Variants in KRR1 observed in about 807,000 individuals in gnomAD.
KRR1 encodes the protein KRR1 small subunit processome component homolog.
Under a neutral mutation model 50.0 loss-of-function variants are expected in KRR1, and 23 were observed. That is an observed-to-expected ratio of 0.46 (90% CI 0.33 to 0.65). The LOEUF (loss-of-function observed/expected upper bound fraction) is 0.65, where lower values mean the gene tolerates loss of function less well. Among genes scored for constraint, KRR1 ranks in the 30% least tolerant of loss-of-function variants. The probability of loss-of-function intolerance (pLI) is 0.02; values close to 1 mark genes in which losing one functional copy is unlikely to be tolerated. For missense variants in KRR1, 419 were observed against 442.4 expected (o/e 0.95, Z 0.47); for synonymous variants, 133 against 146.3 (o/e 0.91, Z 0.66).
In KRR1 at chr12:75,495,739, C is replaced by A; in HGVS notation, c.*4070G>T. 1 of 849,658 alleles carries A rather than the reference C, an allele frequency of 1.2e-6. No individual in the cohort carries two copies. The highest frequency in any genetic ancestry group is 1.6e-5 in the South Asian group (1 of 61,646). The allele number at this position is 849,658 out of a possible 1,614,324, so 52.6% of individuals were successfully genotyped here. A position where few individuals can be genotyped will look rare whatever the true frequency, so the allele number is the denominator to read the frequency against. On this transcript the variant is annotated 3_prime_UTR_variant, in exon 10 of 10. Coordinates refer to ENST00000229214, the MANE Select transcript of KRR1 (RefSeq NM_007043.7). ...CTTTCTACAGAATTAACAATGAAAC[C>A]ATGTTTTATCTTAACGGCTATCTTC... is the stretch of plus-strand genomic sequence containing the variant.
intron 7 of KRR1, 188 bp from the exon 8 acceptor site, chr12:75,502,188 A>G (rs1420342007): frequency 3.6e-6 from 2 of 551,770 alleles, no homozygotes; most frequent in Non-Finnish European, 6.4e-6. Flanking sequence ...TGGAGGTAGG[A>G]AAGCACCTCC....
At position 75,506,370 on chromosome 12, in the gene KRR1, A is replaced by C. The variant is rs2046421426; in HGVS notation, c.549T>G (p.Ile183Met). 4 of 1,612,276 alleles carry C rather than the reference A, an allele frequency of 2.5e-6. No individual in the cohort carries two copies. Among genetic ancestry groups the C allele is most frequent in the South Asian group, 1.1e-5 (1 of 90,960 alleles). Residue 183 changes from isoleucine (I) to methionine (M), a missense_variant, in exon 5 of 10, where the codon ATT becomes ATG. Transcript: ENST00000229214. ...CTGAAACTGTGTTTCCCTGAACCAT[A>C]ATGTAACAATTAGTTAAGAGTTCCA... ...KALELLTNCY[I>M]MVQGNTVSAI... is the part of the protein sequence containing the mutation.
At chr12:75,504,155 C>A (rs1431266471) in intron 6 of KRR1, 81 bp from the exon 7 acceptor site, 2 of 946,862 alleles carry the variant, frequency 2.1e-6, no homozygotes, top group Admixed American at 2.7e-5. Flanking sequence ...AATATTGCTT[C>A]TATAAATAAT....
Position 75,495,653 on chromosome 12 carries a change from A to G in KRR1, c.*4156T>C. Reference sequence around the variant, plus strand: ...CCCCAATAATGACAAGTGTTTGGACAATCTCTGTGGTGAGTAAAAGGAACA... The same window carrying G: ...CCCCAATAATGACAAGTGTTTGGACGATCTCTGTGGTGAGTAAAAGGAACA... On this transcript the variant is annotated 3_prime_UTR_variant, in exon 10 of 10. Coordinates refer to ENST00000229214, the MANE Select transcript of KRR1 (RefSeq NM_007043.7). 1 of 1,598,438 alleles carries G rather than the reference A, an allele frequency of 6.3e-7. No homozygotes were observed. The highest frequency in any genetic ancestry group is 1.3e-5 in the African/African-American group (1 of 74,718).
chr12:75,508,810 AT>A (rs1216756102), intron 1 of KRR1, among the ~76,000 whole-genome samples: 1 of 152,194 alleles, frequency 6.6e-6, no homozygotes, highest in Admixed American at 6.5e-5. Context: ...TTTGAATGCC[AT>A]TTTGGTTAGT....
Position 75,506,343 on chromosome 12 carries a change from G to A in KRR1, c.576C>T (p.Ala192=). Residue 192 remains alanine (A), a synonymous_variant, in exon 5 of 10, where the codon GCC becomes GCT. Coordinates refer to ENST00000229214, the MANE Select transcript of KRR1 (RefSeq NM_007043.7). ...CTTTTAAGCCACTAAAAGGTCCAAT[G>A]GCTGAAACTGTGTTTCCCTGAACCA... ...YIMVQGNTVS[A]IGPFSGLKEV... 1.2e-6 allele frequency: 2 copies of A among 1,611,234 alleles called. No homozygotes were observed. The highest frequency in any genetic ancestry group is 1.7e-6 in the Non-Finnish European group (2 of 1,178,414).
intron 6 of KRR1, 39 bp downstream of exon 6, chr12:75,505,159 T>C: frequency 6.7e-7 from 1 of 1,486,286 alleles, no homozygotes. Flanking sequence ...AAAAGAAGTA[T>C]GATAATCACT....
rs528439238 is a variant in KRR1, at chr12:75,510,816, T to C, written c.85+697A>G. 3.0e-4 allele frequency among the ~76,000 whole-genome samples: 46 copies of C among 152,322 alleles called. 1 individual carries two copies. The South Asian group carries it at 7.7e-3, about 25-fold the overall frequency. ...TTTAATGAGCAACAACAAAGAAACT[T>C]TGAATACTTTCCCAATGCATCTAAA... is the stretch of plus-strand genomic sequence containing the variant. On this transcript the variant is annotated intron_variant, in intron 1 of 9. Transcript: ENST00000229214.
chr12:75,499,862 C>T lies in KRR1; in HGVS notation c.1093G>A (p.Glu365Lys). 2.5e-6 allele frequency: 4 copies of T among 1,607,608 alleles called. No individual in the cohort carries two copies. The highest frequency in any genetic ancestry group is 3.4e-6 in the Non-Finnish European group (4 of 1,177,202). ...TCTGCCTCCATCTTAAGTGCAATTT[C>T]TTCAGCTGTAAGAGCTCCCAGTTTC... is the stretch of plus-strand genomic sequence containing the variant. ...NKKLGALTAE[E>K]IALKMEADEK... is the part of the protein sequence containing the mutation. The change falls in exon 10 of 10, where the codon GAA becomes AAA. Residue 365 changes from glutamate to lysine, a missense_variant. Transcript: ENST00000229214.
At chr12:75,507,282 T>C (rs766320053) in intron 2 of KRR1, among the ~76,000 whole-genome samples, 1 of 152,200 alleles carries the variant, frequency 6.6e-6, no homozygotes, top group Non-Finnish European at 1.5e-5. Flanking sequence ...AGCTCCAGTC[T>C]ACCATCTGCT....
chr12:75,510,562 AAC>A (rs1328593237), intron 1 of KRR1, among the ~76,000 whole-genome samples: 1 of 152,236 alleles, frequency 6.6e-6, no homozygotes, highest in Admixed American at 6.5e-5. Context: ...AAAATTAAAA[AAC>A]AGGCTAAATT....
In KRR1 at chr12:75,495,760, T is replaced by G. The variant is rs1249613058; in HGVS notation, c.*4049A>C. 2 of 697,532 alleles carry G rather than the reference T, an allele frequency of 2.9e-6. No homozygotes were observed. The highest frequency in any genetic ancestry group is 5.0e-6 in the Non-Finnish European group (2 of 402,108). The allele number at this position is 697,532 out of a possible 1,614,324, so 43.2% of individuals were successfully genotyped here. A position where few individuals can be genotyped will look rare whatever the true frequency, so the allele number is the denominator to read the frequency against. ...AAACCATGTTTTATCTTAACGGCTA[T>G]CTTCAAGGAAACTGGCATCAAGTAG... is the stretch of plus-strand genomic sequence containing the variant. On this transcript the variant is annotated 3_prime_UTR_variant, in exon 10 of 10. Transcript: ENST00000229214.
chr12:75,508,283 T>C lies in KRR1; in HGVS notation c.249A>G (p.Leu83=), dbSNP rs371580619. 27 of 1,608,090 alleles carry C rather than the reference T, an allele frequency of 1.7e-5. No homozygotes were observed. Among genetic ancestry groups the C allele is most frequent in the Non-Finnish European group, 2.0e-5 (24 of 1,177,736 alleles). The change falls in exon 2 of 10, where the codon TTA becomes TTG. Residue 83 remains leucine (L), a synonymous_variant. Transcript: ENST00000229214. ...TATAAGATACACATACATGTTCATT[T>C]AAGGCTTTCTGCACCAATGGCCAAC... The part of the protein sequence containing the change: ...KECWPLVQKA[L]NEHHVNATLD...
In KRR1 at chr12:75,499,775, A is replaced by G. The variant is rs1464457246; in HGVS notation, c.*34T>C. 5.3e-6 allele frequency: 8 copies of G among 1,514,512 alleles called. No homozygotes were observed. Among genetic ancestry groups the G allele is most frequent in the Non-Finnish European group, 7.1e-6 (8 of 1,128,042 alleles). The allele number at this position is 1,514,512 out of a possible 1,614,324, so 93.8% of individuals were successfully genotyped here. A position where few individuals can be genotyped will look rare whatever the true frequency, so the allele number is the denominator to read the frequency against. On this transcript the variant is annotated 3_prime_UTR_variant, in exon 10 of 10. Transcript: ENST00000229214. ...CTGATATCTCAAAATCCTTTACAAAAGGAGATAGTTCTAGTCAAGGAGTTT... is the reference window on the plus strand; with the variant it reads ...CTGATATCTCAAAATCCTTTACAAAGGGAGATAGTTCTAGTCAAGGAGTTT...
intron 9 of KRR1, 36 bp from the exon 10 acceptor site, chr12:75,499,987 T>C (rs112185628): frequency 7.3e-6 from 11 of 1,514,958 alleles, no homozygotes; most frequent in Non-Finnish European, 8.9e-6. Context: ...TGTAATACTT[T>C]AGATTTTACC....
At chr12:75,505,593 A>C (rs1223308723) in intron 5 of KRR1, among the ~76,000 whole-genome samples, 3 of 151,056 alleles carry the variant, frequency 2.0e-5, no homozygotes, top group Non-Finnish European at 4.4e-5. Context: ...TCTCATTTGT[A>C]ATATAAGATA....
intron 8 of KRR1, 23 bp downstream of exon 8, chr12:75,501,900 G>A (rs1347860972): frequency 1.2e-6 from 2 of 1,604,828 alleles, no homozygotes; most frequent in East Asian, 2.3e-5. Context: ...CTATTCATGT[G>A]AGCCAGACAT....
Position 75,499,698 on chromosome 12 carries a change from CAAAAAAA to C in KRR1, c.*104_*110del. On this transcript the variant is annotated 3_prime_UTR_variant, in exon 10 of 10. Transcript: ENST00000229214. ...CTCTTCTATGAACAACCACCACCAC[CAAAAAAA>C]AAAAAAGCCCTCAGAAAATTTCTCA... 1 of 563,682 alleles carries C rather than the reference CAAAAAAA, an allele frequency of 1.8e-6. No homozygotes were observed. Among genetic ancestry groups the C allele is most frequent in the Non-Finnish European group, 2.8e-6 (1 of 354,512 alleles). The allele number at this position is 563,682 out of a possible 1,614,324, so 34.9% of individuals were successfully genotyped here.
Position 75,493,663 on chromosome 12 carries a change from T to TC in KRR1, c.*6145dup, listed in dbSNP as rs1258137518. On this transcript the variant is annotated 3_prime_UTR_variant, in exon 10 of 10. Transcript: ENST00000229214. Reference sequence around the variant, plus strand: ...TTCTTTAAAGATTTGTCTTCGGTCTTCCCCTGGGTCCCATAACCCCAACCC... The same window carrying TC: ...TTCTTTAAAGATTTGTCTTCGGTCTTCCCCCTGGGTCCCATAACCCCAACCC... The TC allele has an allele frequency of 6.6e-6, 1 of 152,226 alleles. No homozygotes were observed. The highest frequency in any genetic ancestry group is 1.5e-5 in the Non-Finnish European group (1 of 68,078). 9.4% of individuals were successfully genotyped at this position (152,226 alleles called of 1,614,324 possible).
Sources: gnomAD v4.1 joint callset for allele counts (sites outside exome capture counted in the v4.1 genomes callset) on GRCh38, gnomAD v4.1.1 for gene constraint, MANE v1.5 for transcripts, NCBI Gene and HGNC (gene_info 2026-07-23, HGNC 2026-07-21) for gene names.